Variants in CCDC93 observed in about 807,000 individuals in gnomAD.
CCDC93 encodes coiled-coil domain-containing protein 93.
In CCDC93, 61 loss-of-function variants were observed where a neutral mutation model predicts 108.2. That is an observed-to-expected ratio of 0.56 (90% CI 0.46 to 0.70). CCDC93 has a LOEUF of 0.70. Ranked by LOEUF, CCDC93 falls within the 30% of genes least tolerant of loss-of-function variation. CCDC93 has a pLI of 0.00. For synonymous variants in CCDC93, 276 were observed against 260.4 expected (o/e 1.06, Z -0.58); for missense variants, 685 against 764.2 (o/e 0.90, Z 1.22).
intron 13 of CCDC93, chr2:117,950,772 C>G: frequency 5.7e-5 from 56 of 985,410 alleles, no homozygotes; most frequent in Non-Finnish European, 6.6e-5. Context: ...TACAGCTTCC[C>G]ATTTTTCTAG....
chr2:117,983,630 T>TTATATATATATA (rs66879401), intron 7 of CCDC93, among the ~76,000 whole-genome samples: 2 of 98,602 alleles, frequency 2.0e-5, no homozygotes, highest in African/African-American at 6.5e-5. Flanking sequence ...CTGCTCAAAA[T>TTATATATATATA]TATATATATA....
intron 3 of CCDC93, among the ~76,000 whole-genome samples, chr2:118,002,100 C>G (rs1676717583): frequency 6.6e-6 from 1 of 152,176 alleles, no homozygotes; most frequent in Admixed American, 6.5e-5. Context: ...ACAGCAGCTA[C>G]TGTGGCCTTA....
chr2:117,928,490 C>T (rs563172669), intron 23 of CCDC93, among the ~76,000 whole-genome samples: 30 of 152,294 alleles, frequency 2.0e-4, no homozygotes, highest in Non-Finnish European at 3.4e-4. Flanking sequence ...ATTTATGCAG[C>T]CAAAAGACAC....
rs2104687125 is a variant in CCDC93 at position 117,916,981 on chromosome 2, GTTC to G, written c.*3359_*3361del. 6.6e-6 allele frequency: 1 copy of G among 152,278 alleles called. No homozygotes were observed. Among genetic ancestry groups the G allele is most frequent in the Admixed American group, 6.5e-5 (1 of 15,294 alleles). The allele number at this position is 152,278 out of a possible 1,614,324, so 9.4% of individuals were successfully genotyped here. On this transcript the variant is annotated 3_prime_UTR_variant, in exon 24 of 24. Transcript: ENST00000376300. Reference sequence around the variant, plus strand: ...TTATTGTACTGTTCTGCATTAAGATGTTCTTTTACTTTGAGGCCAACACCAGCC... The same window carrying G: ...TTATTGTACTGTTCTGCATTAAGATGTTTTACTTTGAGGCCAACACCAGCC...
chr2:118,013,126 T>C (rs1573539339), intron 1 of CCDC93, among the ~76,000 whole-genome samples: 2 of 152,334 alleles, frequency 1.3e-5, no homozygotes, highest in Middle Eastern at 3.4e-3. Context: ...ACCTATGAGA[T>C]GCTAAGTGGT....
intron 13 of CCDC93, chr2:117,950,655 C>T (rs931182143): frequency 2.0e-6 from 2 of 985,310 alleles, no homozygotes; most frequent in Non-Finnish European, 2.4e-6. Flanking sequence ...TCTGCTTACT[C>T]CTAACCTTGA....
chr2:117,998,259 TA>T (rs753042848), intron 4 of CCDC93: 106 of 152,326 alleles, frequency 7.0e-4, no homozygotes, highest in African/African-American at 2.4e-3. Context: ...TAGAATCACA[TA>T]AGAGAAGTAG....
In CCDC93 at chr2:117,978,038, C is replaced by T; in HGVS notation, c.621-8G>A. 3 of 1,612,708 alleles carry T rather than the reference C, an allele frequency of 1.9e-6. No individual in the cohort carries two copies. The South Asian group carries it at 3.3e-5, about 18-fold the overall frequency. ...CGGCTAAATCCATATCTCCTGCAGG[C>T]CACAAAAAAGGAGTTTAATTACTAC... On this transcript the variant is annotated splice_region_variant and splice_polypyrimidine_tract_variant and intron_variant, in intron 7 of 23. Coordinates refer to ENST00000376300, the MANE Select transcript of CCDC93 (RefSeq NM_019044.5).
At position 117,935,541 on chromosome 2, in the gene CCDC93, C is replaced by T. The variant is rs140975342; in HGVS notation, c.1682G>A (p.Arg561His). 240 of 1,613,896 alleles carry T rather than the reference C, an allele frequency of 1.5e-4. 1 individual carries two copies. Among genetic ancestry groups the T allele is most frequent in the African/African-American group, 7.1e-4 (53 of 75,002 alleles). The stretch of plus-strand genomic sequence containing the variant: ...TCCTTCCACAATCTGTTCCATCTGA[C>T]GTAAAAACTGGTCCCGGGCAGCAGG... Reference protein sequence around the residue: ...ASPAARDQFLRQMEQIVEGIK... With the variant: ...ASPAARDQFLHQMEQIVEGIK... Residue 561 changes from arginine (R) to histidine (H), a missense_variant, in exon 22 of 24, where the codon CGT (arginine) becomes CAT (histidine). Transcript: ENST00000376300.
At chr2:117,978,473 T>C (rs1452794807) in intron 7 of CCDC93, among the ~76,000 whole-genome samples, 1 of 152,150 alleles carries the variant, frequency 6.6e-6, no homozygotes, top group African/African-American at 2.4e-5. Context: ...AATCCAAGCA[T>C]GATGCCAATA....
At chr2:117,997,480 G>C (rs1412756215) in intron 4 of CCDC93, 4 of 152,226 alleles carry the variant, frequency 2.6e-5, no homozygotes, top group African/African-American at 7.2e-5. Flanking sequence ...GTGAGGGTTA[G>C]CTACCTAGGA....
chr2:117,964,679 A>G (rs1156912612), intron 11 of CCDC93, among the ~76,000 whole-genome samples: 1 of 151,930 alleles, frequency 6.6e-6, no homozygotes, highest in Non-Finnish European at 1.5e-5. Context: ...GCTCACTGCA[A>G]CCTCAAACTC....
intron 20 of CCDC93, among the ~76,000 whole-genome samples, chr2:117,937,649 G>A (rs1178436258): frequency 2.0e-5 from 3 of 152,210 alleles, no homozygotes; most frequent in Non-Finnish European, 1.5e-5. Context: ...GATGAAGGAA[G>A]GTCAATGGGG....
chr2:118,011,905 GT>G (rs1195939554), intron 1 of CCDC93, among the ~76,000 whole-genome samples: 5 of 152,358 alleles, frequency 3.3e-5, no homozygotes, highest in Admixed American at 3.3e-4. Flanking sequence ...AAGGGCCACT[GT>G]CTGATCTGCT....
intron 12 of CCDC93, among the ~76,000 whole-genome samples, chr2:117,954,527 A>G (rs950765933): frequency 6.6e-6 from 1 of 152,160 alleles, no homozygotes; most frequent in South Asian, 2.1e-4. Flanking sequence ...GGAGTCCTCC[A>G]GGATTCTCTT....
Position 118,013,947 on chromosome 2 carries a change from T to C in CCDC93, c.42+7A>G. The stretch of plus-strand genomic sequence containing the variant: ...CGACGTGTCAGGGAAGGAGGAGGCG[T>C]TCTTACCTCCGGGAGACCCTGGCCC... On this transcript the variant is annotated splice_region_variant and intron_variant, in intron 1 of 23. Coordinates refer to ENST00000376300, the MANE Select transcript of CCDC93 (RefSeq NM_019044.5). 2 of 1,586,588 alleles carry C rather than the reference T, an allele frequency of 1.3e-6. No individual in the cohort carries two copies. Among genetic ancestry groups the C allele is most frequent in the Non-Finnish European group, 1.7e-6 (2 of 1,168,102 alleles).
intron 11 of CCDC93, among the ~76,000 whole-genome samples, chr2:117,969,359 T>A (rs1293728372): frequency 7.9e-5 from 12 of 152,192 alleles, no homozygotes; most frequent in Admixed American, 6.6e-4. Context: ...TGGAAGCGAA[T>A]CCTTCCCCAG....
intron 13 of CCDC93, chr2:117,950,284 T>A: frequency 2.6e-5 from 26 of 985,086 alleles, no homozygotes; most frequent in Non-Finnish European, 3.1e-5. Context: ...ATTCAACAAG[T>A]CAATTCTGAT....
At chr2:117,982,667 T>G (rs1479878464) in intron 7 of CCDC93, among the ~76,000 whole-genome samples, 1 of 150,978 alleles carries the variant, frequency 6.6e-6, no homozygotes, top group Non-Finnish European at 1.5e-5. Context: ...TCAAAATACT[T>G]TCCCCCTGAC....
Sources: gnomAD v4.1 joint callset for allele counts (sites outside exome capture counted in the v4.1 genomes callset) on GRCh38, gnomAD v4.1.1 for gene constraint, MANE v1.5 for transcripts, NCBI Gene and HGNC (gene_info 2026-07-23, HGNC 2026-07-21) for gene names.